The following ZNF486 variants were observed in gnomAD, a reference collection of about 807,000 sequenced individuals.
ZNF486 encodes the protein zinc finger protein 486, also known as KRAB box only protein 2.
Under a neutral mutation model 12.8 loss-of-function variants are expected in ZNF486, and 12 were observed. That is an observed-to-expected ratio of 0.94 (90% CI 0.60 to 1.52). The LOEUF (loss-of-function observed/expected upper bound fraction) is 1.52, where lower values mean the gene tolerates loss of function less well. ZNF486 is among the 40% of genes most tolerant of loss of function. The probability of loss-of-function intolerance (pLI) is 0.00; values close to 1 mark genes in which losing one functional copy is unlikely to be tolerated. For synonymous variants in ZNF486, 231 were observed against 184.9 expected (o/e 1.25, Z -2.02); for missense variants, 738 against 545.0 (o/e 1.35, Z -3.53).
In ZNF486 at chr19:20,192,040, G is replaced by A. The variant is rs142369002; in HGVS notation, c.254-4924G>A. Among the ~76,000 whole-genome samples, 1,429 of 152,098 alleles carry A rather than the reference G, an allele frequency of 9.4e-3. 25 individuals carry two copies. Among genetic ancestry groups the A allele is most frequent in the African/African-American group, 0.032 (1,347 of 41,494 alleles). ...TAGATAGATAAATAATATAGTTACC[G>A]ATTCCTGGTAAATTAACTCACTTTA... On this transcript the variant is annotated intron_variant, in intron 3 of 3. Transcript: ENST00000335117.
intron 3 of ZNF486, among the ~76,000 whole-genome samples, chr19:20,189,212 C>T (rs893726849): frequency 6.6e-6 from 1 of 152,140 alleles, no homozygotes; most frequent in South Asian, 2.1e-4. Context: ...GCTGTGATTA[C>T]AGGTGCCCAC....
rs1265389732 is a variant in ZNF486 at position 20,200,108 on chromosome 19, A to T, written c.*2006A>T. 19 of 151,938 alleles carry T rather than the reference A, an allele frequency of 1.3e-4. No individual in the cohort carries two copies. The highest frequency in any genetic ancestry group is 4.4e-4 in the African/African-American group (18 of 41,320). The allele number at this position is 151,938 out of a possible 1,614,324, so 9.4% of individuals were successfully genotyped here. On this transcript the variant is annotated 3_prime_UTR_variant, in exon 4 of 4. Transcript: ENST00000335117. ...AAAGTGTATTTGTTTCCTTAAAAAA[A>T]TTTTTCTGAAAAGTGGGTAATGACA...
intron 1 of ZNF486, among the ~76,000 whole-genome samples, chr19:20,170,353 CG>C (rs1315899987): frequency 6.6e-6 from 1 of 151,620 alleles, no homozygotes; most frequent in Non-Finnish European, 1.5e-5. Context: ...TGAGGCAGGC[CG>C]AACACCTGAG....
intron 3 of ZNF486, among the ~76,000 whole-genome samples, chr19:20,190,115 AAGGGTTCATT>A (rs1334208717): frequency 6.6e-6 from 1 of 152,166 alleles, no homozygotes; most frequent in Non-Finnish European, 1.5e-5. Flanking sequence ...TCATATATAG[AAGGGTTCATT>A]TCTGAGCTCT....
chr19:20,193,349 C>T (rs1416887068), intron 3 of ZNF486, among the ~76,000 whole-genome samples: 5 of 148,918 alleles, frequency 3.4e-5, no homozygotes, highest in Non-Finnish European at 5.9e-5. Context: ...TGATGGAGTG[C>T]AGTGGTGTAA....
intron 1 of ZNF486, among the ~76,000 whole-genome samples, chr19:20,178,680 A>T (rs1356634110): frequency 2.2e-4 from 34 of 152,254 alleles, no homozygotes; most frequent in Non-Finnish European, 1.5e-4. Flanking sequence ...CTTGTGCAGC[A>T]AAGTGCATGC....
rs181719180 is a variant in ZNF486 at position 20,197,679 on chromosome 19, G to T, written c.969G>T (p.Thr323=). 9,004 of 1,612,618 alleles carry T rather than the reference G, an allele frequency of 5.6e-3. 25 individuals are homozygous for T. Among genetic ancestry groups the T allele is most frequent in the Non-Finnish European group, 6.4e-3 (7,533 of 1,179,562 alleles). Residue 323 remains threonine, a synonymous_variant, in exon 4 of 4, where the codon ACG becomes ACT. Coordinates refer to ENST00000335117, the MANE Select transcript of ZNF486 (RefSeq NM_052852.4). ...TTCATACTGGAGAGAAACCGTACAC[G>T]TGTGATAAATGTGGCAAAGCCTTTA... ...KKIHTGEKPY[T]CDKCGKAFIS... is the part of the protein sequence containing the mutation.
chr19:20,196,498 T>C (rs1306462124), intron 3 of ZNF486, among the ~76,000 whole-genome samples: 2 of 152,062 alleles, frequency 1.3e-5, no homozygotes, highest in African/African-American at 4.8e-5. Flanking sequence ...CTGGCTAACT[T>C]TTTGTAATTT....
chr19:20,191,307 C>A (rs1449120835), intron 3 of ZNF486, among the ~76,000 whole-genome samples: 1 of 143,488 alleles, frequency 7.0e-6, no homozygotes. Flanking sequence ...CCGTCTCTAC[C>A]AAAAATACAA....
At chr19:20,177,267 C>G (rs534568824) in intron 1 of ZNF486, among the ~76,000 whole-genome samples, 1 of 152,184 alleles carries the variant, frequency 6.6e-6, no homozygotes, top group Non-Finnish European at 1.5e-5. Context: ...TGTAACTAGC[C>G]AAAATATAGA....
intron 3 of ZNF486, among the ~76,000 whole-genome samples, chr19:20,194,138 T>C (rs1035271209): frequency 1.3e-5 from 2 of 152,202 alleles, no homozygotes; most frequent in Non-Finnish European, 2.9e-5. Flanking sequence ...GTTAAGAAAT[T>C]CCATTTTTGT....
At chr19:20,189,816 G>C (rs1555716950) in intron 3 of ZNF486, among the ~76,000 whole-genome samples, 2 of 152,264 alleles carry the variant, frequency 1.3e-5, no homozygotes, top group African/African-American at 4.8e-5. Flanking sequence ...CAGAAATTTT[G>C]ATGTCTAGTG....
chr19:20,167,235 T>G lies in ZNF486; in HGVS notation c.-96T>G, dbSNP rs1555713101. 1 of 1,488,730 alleles carries G rather than the reference T, an allele frequency of 6.7e-7. No individual in the cohort carries two copies. Among genetic ancestry groups the G allele is most frequent in the South Asian group, 1.1e-5 (1 of 88,356 alleles). The allele number at this position is 1,488,730 out of a possible 1,614,324, so 92.2% of individuals were successfully genotyped here. A position where few individuals can be genotyped will look rare whatever the true frequency, so the allele number is the denominator to read the frequency against. On this transcript the variant is annotated 5_prime_UTR_variant, in exon 1 of 4. Coordinates refer to ENST00000335117, the MANE Select transcript of ZNF486 (RefSeq NM_052852.4). ...CTTTGTCTCTCGCTGCATCTGGAGC[T>G]CTAGGTCGCCTCTTCGCTACTCTGT...
chr19:20,174,883 ATGC>A (rs1303849295), intron 1 of ZNF486: 7 of 152,238 alleles, frequency 4.6e-5, no homozygotes, highest in African/African-American at 1.7e-4. Flanking sequence ...TTAAATTGGT[ATGC>A]TGCTATTACA....
intron 1 of ZNF486, among the ~76,000 whole-genome samples, chr19:20,183,008 T>G (rs1310275013): frequency 6.6e-6 from 1 of 152,132 alleles, no homozygotes; most frequent in Non-Finnish European, 1.5e-5. Flanking sequence ...AACCTTTACT[T>G]CTCTACTTGT....
intron 1 of ZNF486, among the ~76,000 whole-genome samples, chr19:20,179,713 G>A (rs1445832204): frequency 6.6e-6 from 1 of 152,120 alleles, no homozygotes; most frequent in Non-Finnish European, 1.5e-5. Flanking sequence ...ATTGTAAGTT[G>A]TCAAGATAGA....
At chr19:20,169,126 T>A (rs1258458669) in intron 1 of ZNF486, among the ~76,000 whole-genome samples, 2 of 152,084 alleles carry the variant, frequency 1.3e-5, no homozygotes, top group Non-Finnish European at 2.9e-5. Flanking sequence ...ACATTTTTTT[T>A]ATTTTGACAT....
intron 3 of ZNF486, among the ~76,000 whole-genome samples, chr19:20,188,027 G>A (rs547211455): frequency 1.9e-4 from 29 of 152,114 alleles, no homozygotes; most frequent in Middle Eastern, 3.4e-3. Context: ...GCTTTGCTCC[G>A]TAGTTAAAAC....
intron 3 of ZNF486, among the ~76,000 whole-genome samples, chr19:20,191,105 C>G (rs1599714092): frequency 1.3e-5 from 2 of 152,194 alleles, no homozygotes; most frequent in African/African-American, 4.8e-5. Context: ...GAGGCCCTCA[C>G]CAGAAGCAGA....
Sources: allele counts gnomAD v4.1 joint callset (sites outside exome capture counted in the v4.1 genomes callset), GRCh38; gene constraint gnomAD v4.1.1; transcripts MANE v1.5; gene names NCBI Gene and HGNC (gene_info 2026-07-23, HGNC 2026-07-21).